Variants in PCDH11Y observed in about 807,000 individuals in gnomAD.
The protein encoded by PCDH11Y is protocadherin-11 Y-linked.
For synonymous variants in PCDH11Y, 9 were observed against 83.6 expected (o/e 0.11, Z 4.87); for missense variants, 12 against 224.8 (o/e 0.05, Z 6.05).
At chrY:5,375,910 A>G in intron 2 of PCDH11Y, among the ~76,000 whole-genome samples, 1 of 32,702 alleles carries the variant, frequency 3.1e-5, no homozygotes, top group African/African-American at 1.2e-4. Context: ...GTGATGTTTC[A>G]TATAAACCGT....
intron 4 of PCDH11Y, among the ~76,000 whole-genome samples, chrY:5,677,025 GA>G (rs2053554226): frequency 1.6e-4 from 5 of 31,466 alleles, no homozygotes; most frequent in Admixed American, 5.9e-4. Flanking sequence ...ACAGTGACAT[GA>G]AAAAAAAACC....
chrY:5,695,459 G>T, intron 4 of PCDH11Y, among the ~76,000 whole-genome samples: 1 of 18,242 alleles, frequency 5.5e-5, no homozygotes, highest in Non-Finnish European at 1.2e-4. Context: ...TCATTGGAGA[G>T]TTTAGTAAAT....
downstream of PCDH11Y, chrY:5,104,359 T>C: frequency 2.5e-6 from 1 of 396,909 alleles, no homozygotes; most frequent in East Asian, 9.3e-5. Context: ...TTCCAGGACA[T>C]GAACTATTGA....
intron 3 of PCDH11Y, among the ~76,000 whole-genome samples, chrY:5,580,489 C>CTG (rs1252845784): frequency 3.1e-5 from 1 of 31,850 alleles, no homozygotes; most frequent in Non-Finnish European, 7.8e-5. Flanking sequence ...TAGAGTGATT[C>CTG]TGTGTGTGTG....
chrY:5,716,358 T>G, intron 4 of PCDH11Y, among the ~76,000 whole-genome samples: 2 of 31,646 alleles, frequency 6.3e-5, no homozygotes, highest in Non-Finnish European at 1.5e-4. Flanking sequence ...AAAAAAACCA[T>G]TAGAACTGAT....
chrY:5,086,506 G>A (rs2052730938), intron 1 of PCDH11Y, among the ~76,000 whole-genome samples: 2 of 31,835 alleles, frequency 6.3e-5, no homozygotes, highest in African/African-American at 2.5e-4. Flanking sequence ...GCATTGAAGA[G>A]TTAGGTATTT....
intron 2 of PCDH11Y, among the ~76,000 whole-genome samples, chrY:5,177,348 G>A: frequency 2.1e-4 from 7 of 33,164 alleles, no homozygotes; most frequent in African/African-American, 8.2e-4. Context: ...CCACTCCTGG[G>A]CATATACTGA....
intron 2 of PCDH11Y, among the ~76,000 whole-genome samples, chrY:5,191,434 T>C: frequency 6.0e-5 from 2 of 33,151 alleles, no homozygotes; most frequent in Admixed American, 2.7e-4. Flanking sequence ...AAGAATAGTT[T>C]GTTGGGTGAA....
intron 4 of PCDH11Y, among the ~76,000 whole-genome samples, chrY:5,646,357 G>A: frequency 6.1e-5 from 2 of 32,988 alleles, no homozygotes; most frequent in African/African-American, 2.4e-4. Context: ...GGTAGCCGGG[G>A]TTTGGGATGA....
chrY:5,352,958 TA>T (rs1379847541), intron 2 of PCDH11Y, among the ~76,000 whole-genome samples: 1,808 of 27,325 alleles, frequency 0.066, no homozygotes, highest in Non-Finnish European at 0.03. Flanking sequence ...CACAAATAAC[TA>T]AAAAAAAAAT....
chrY:5,386,040 G>A (rs1299054518), intron 2 of PCDH11Y, among the ~76,000 whole-genome samples: 1 of 33,258 alleles, frequency 3.0e-5, no homozygotes, highest in African/African-American at 1.2e-4. Flanking sequence ...TTCCTGTAGT[G>A]CTGGCTTGGT....
chrY:5,012,994 C>T, intron 1 of PCDH11Y, among the ~76,000 whole-genome samples: 1 of 30,144 alleles, frequency 3.3e-5, no homozygotes, highest in Admixed American at 3.0e-4. Flanking sequence ...GGACTACAGG[C>T]GCCCGCCACT....
At chrY:5,046,787 G>A in intron 3 of PCDH11Y, among the ~76,000 whole-genome samples, 1 of 33,530 alleles carries the variant, frequency 3.0e-5, no homozygotes, top group African/African-American at 1.2e-4. Context: ...AGGACCCTCC[G>A]AGCCAGGTGT....
At chrY:5,480,985 T>C (rs35180895) in intron 2 of PCDH11Y, among the ~76,000 whole-genome samples, 2 of 33,286 alleles carry the variant, frequency 6.0e-5, no homozygotes, top group South Asian at 1.4e-3. Context: ...TTGCTGGGCT[T>C]CGTGGGAGTG....
intron 1 of PCDH11Y, among the ~76,000 whole-genome samples, chrY:5,082,402 T>G: frequency 3.0e-5 from 1 of 33,339 alleles, no homozygotes. Flanking sequence ...CCTCATAAAA[T>G]GAATTAGGGA....
At chrY:5,639,632 G>A in intron 4 of PCDH11Y, among the ~76,000 whole-genome samples, 1 of 27,172 alleles carries the variant, frequency 3.7e-5, no homozygotes, top group Non-Finnish European at 8.6e-5. Flanking sequence ...GTTACTGACT[G>A]ATCAGAGTGG....
At chrY:5,709,874 G>C in intron 4 of PCDH11Y, among the ~76,000 whole-genome samples, 1 of 31,875 alleles carries the variant, frequency 3.1e-5, no homozygotes, top group Non-Finnish European at 7.6e-5. Flanking sequence ...AAGTCCAGCA[G>C]GCTTAACTCA....
At chrY:5,664,242 G>A in intron 4 of PCDH11Y, among the ~76,000 whole-genome samples, 1 of 32,772 alleles carries the variant, frequency 3.1e-5, no homozygotes, top group Non-Finnish European at 7.4e-5. Flanking sequence ...ATTCAGTAGG[G>A]TAGAATTTTA....
chrY:5,365,840 T>C, intron 2 of PCDH11Y, among the ~76,000 whole-genome samples: 1 of 33,696 alleles, frequency 3.0e-5, no homozygotes, highest in Non-Finnish European at 7.4e-5. Context: ...ATTCCATTTT[T>C]CATTGTTTAT....
Sources: gnomAD v4.1 joint callset for allele counts (sites outside exome capture counted in the v4.1 genomes callset) on GRCh38, gnomAD v4.1.1 for gene constraint, MANE v1.5 for transcripts, NCBI Gene and HGNC (gene_info 2026-07-23, HGNC 2026-07-21) for gene names.